CD58: variants seen among roughly 807,000 people sequenced by gnomAD.
CD58 encodes CD58 molecule, also known as lymphocyte function-associated antigen 3.
Under a neutral mutation model 27.6 loss-of-function variants are expected in CD58, and 14 were observed. The observed-to-expected ratio is 0.51, with a 90% confidence interval of 0.34 to 0.79. CD58 has a LOEUF of 0.79. Ranked by LOEUF, CD58 falls within the 30% of genes least tolerant of loss-of-function variation. The probability of loss-of-function intolerance (pLI) is 0.02; values close to 1 mark genes in which losing one functional copy is unlikely to be tolerated. For synonymous variants in CD58, 117 were observed against 103.8 expected (o/e 1.13, Z -0.77); for missense variants, 268 against 301.7 (o/e 0.89, Z 0.83).
rs1657261129 is a variant in CD58, at chr1:116,521,511, C to T, written c.706+395G>A. ...AAGTCACTTAACTCAACCAAAACTC[C>T]CTTCCTACCTGGGAGCCCCATTCGT... On this transcript the variant is annotated intron_variant, in intron 4 of 5. Coordinates refer to ENST00000369489, the MANE Select transcript of CD58 (RefSeq NM_001779.3). This position sits in a 1 kb window ranked among gnomAD's most constrained non-coding sequence, Gnocchi z 5.6. 6.6e-6 allele frequency among the ~76,000 whole-genome samples: 1 copy of T among 152,200 alleles called. No individual in the cohort carries two copies. Among genetic ancestry groups the T allele is most frequent in the African/African-American group, 2.4e-5 (1 of 41,440 alleles).
At position 116,519,026 on chromosome 1, in the gene CD58, A is replaced by C. The variant is rs1208222786; in HGVS notation, c.743+205T>G. 6 of 1,216,064 alleles carry C rather than the reference A, an allele frequency of 4.9e-6. No homozygotes were observed. The highest frequency in any genetic ancestry group is 3.1e-5 in the African/African-American group (2 of 65,174). The allele number at this position is 1,216,064 out of a possible 1,614,324, so 75.3% of individuals were successfully genotyped here. On this transcript the variant is annotated intron_variant, in intron 5 of 5. Coordinates refer to ENST00000369489, the MANE Select transcript of CD58 (RefSeq NM_001779.3). This position sits in a 1 kb window ranked among gnomAD's most constrained non-coding sequence, Gnocchi z 4.7. ...CAAGGCTCATTGAGAGGGTTCCAGG[A>C]AACGATATGCAGAGAGTGGCTAGTG...
At position 116,532,889 on chromosome 1, in the gene CD58, G is replaced by T; in HGVS notation, c.628+3076C>A. The T allele has an allele frequency of 1.3e-6, 1 of 778,788 alleles. No homozygotes were observed. Among genetic ancestry groups the T allele is most frequent in the Non-Finnish European group, 2.1e-6 (1 of 465,964 alleles). The allele number at this position is 778,788 out of a possible 1,614,324, so 48.2% of individuals were successfully genotyped here. ...GCAAAGACTGAGGCCTCCCGCTACA[G>T]GCCCGGAGTCGCGACAGCCGGTCTG... On this transcript the variant is annotated intron_variant, in intron 3 of 5. Coordinates refer to ENST00000369489, the MANE Select transcript of CD58 (RefSeq NM_001779.3). The surrounding 1 kb of genome is among the most constrained non-coding windows in gnomAD (Gnocchi z 5.1).
At chr1:116,520,619 A>G (rs867196105) in intron 4 of CD58, among the ~76,000 whole-genome samples, 2 of 151,894 alleles carry the variant, frequency 1.3e-5, no homozygotes, top group African/African-American at 4.8e-5. Flanking sequence ...ATTGAGATCT[A>G]CAACAACACT....
At chr1:116,547,806 T>C (rs1658241813) in intron 1 of CD58, among the ~76,000 whole-genome samples, 1 of 152,128 alleles carries the variant, frequency 6.6e-6, no homozygotes, top group African/African-American at 2.4e-5. Flanking sequence ...AAATGACTTG[T>C]TTTCCTCTGG....
chr1:116,565,000 C>A (rs534408745), intron 1 of CD58, among the ~76,000 whole-genome samples: 1 of 152,174 alleles, frequency 6.6e-6, no homozygotes, highest in Non-Finnish European at 1.5e-5. Context: ...AAGCCCACAC[C>A]AAATCCTGCC....
intron 1 of CD58, among the ~76,000 whole-genome samples, chr1:116,549,651 G>A (rs1658322411): frequency 6.6e-6 from 1 of 152,078 alleles, no homozygotes; most frequent in Admixed American, 6.6e-5. Context: ...AATGAAAAAC[G>A]ATCATATAAG....
chr1:116,542,856 G>A (rs1658035593), intron 2 of CD58, among the ~76,000 whole-genome samples: 1 of 152,200 alleles, frequency 6.6e-6, no homozygotes, highest in Non-Finnish European at 1.5e-5. Flanking sequence ...GAGAGCTTGT[G>A]GAAATTGCCC....
intron 2 of CD58, among the ~76,000 whole-genome samples, chr1:116,540,011 T>TCAAG (rs1215009813): frequency 6.6e-6 from 1 of 152,196 alleles, no homozygotes; most frequent in Non-Finnish European, 1.5e-5. Context: ...TTAGTAAAGG[T>TCAAG]CAAGTATCAA....
rs778084173 is a variant in CD58 at position 116,570,977 on chromosome 1, C to G, written c.-5G>C. 7 of 1,546,070 alleles carry G rather than the reference C, an allele frequency of 4.5e-6. No homozygotes were observed. The highest frequency in any genetic ancestry group is 6.1e-6 in the Non-Finnish European group (7 of 1,153,144). On this transcript the variant is annotated 5_prime_UTR_variant, in exon 1 of 6. Transcript: ENST00000369489. The surrounding 1 kb of genome is among the most constrained non-coding windows in gnomAD (Gnocchi z 6.4). Reference sequence around the variant, plus strand: ...CGCGTCGCTCCCAGCAACCATGGCTCGTCGGGCCGGCCTCTGCGCGAGTGC... The same window carrying G: ...CGCGTCGCTCCCAGCAACCATGGCTGGTCGGGCCGGCCTCTGCGCGAGTGC...
rs1234032418 is a variant in CD58, at chr1:116,538,207, C to A, written c.365-1979G>T. ...TTCTTTAATTAAAAAGACTTTTAAT[C>A]ATCTTTTAAGCAGTGGAATTTCTCA... On this transcript the variant is annotated intron_variant, in intron 2 of 5. Coordinates refer to ENST00000369489, the MANE Select transcript of CD58 (RefSeq NM_001779.3). This position sits in a 1 kb window ranked among gnomAD's most constrained non-coding sequence, Gnocchi z 4.7. 2.0e-5 allele frequency among the ~76,000 whole-genome samples: 3 copies of A among 152,280 alleles called. No individual in the cohort carries two copies. Among genetic ancestry groups the A allele is most frequent in the African/African-American group, 7.2e-5 (3 of 41,542 alleles).
At chr1:116,548,071 CAT>C (rs1658257763) in intron 1 of CD58, among the ~76,000 whole-genome samples, 1 of 152,188 alleles carries the variant, frequency 6.6e-6, no homozygotes, top group South Asian at 2.1e-4. Context: ...AGCATTTTTT[CAT>C]ATGTTTGTTG....
chr1:116,561,857 G>A (rs775243236), intron 1 of CD58, among the ~76,000 whole-genome samples: 1 of 152,158 alleles, frequency 6.6e-6, no homozygotes, highest in Non-Finnish European at 1.5e-5. Context: ...TAAAATCAGT[G>A]TGACAATTAA....
intron 2 of CD58, among the ~76,000 whole-genome samples, chr1:116,539,341 T>C (rs1169988042): frequency 6.6e-6 from 1 of 152,124 alleles, no homozygotes; most frequent in Non-Finnish European, 1.5e-5. Flanking sequence ...CACAGTCCTT[T>C]TAGGAGCTGG....
rs893436805 is a variant in CD58, at chr1:116,536,199, C to T, written c.394G>A (p.Ala132Thr). The T allele has an allele frequency of 1.2e-6, 2 of 1,611,352 alleles. No homozygotes were observed. The highest frequency in any genetic ancestry group is 1.7e-5 in the Admixed American group (1 of 59,930). ...ACTTCAATGCTTCCATTAGTCAATG[C>T]ACAAGTTAGTGTGGGAGATGGAAGA... is the stretch of plus-strand genomic sequence containing the variant. ...ESLPSPTLTC[A>T]LTNGSIEVQC... The change falls in exon 3 of 6, where the codon GCA (alanine) becomes ACA (threonine). Residue 132 changes from alanine (A) to threonine (T), a missense_variant. Ala to Thr is a moderately conservative substitution (Grantham distance 58). Coordinates refer to ENST00000369489, the MANE Select transcript of CD58 (RefSeq NM_001779.3). This position sits in a 1 kb window ranked among gnomAD's most constrained non-coding sequence, Gnocchi z 5.4.
chr1:116,559,498 C>T lies in CD58; in HGVS notation c.70+11405G>A, dbSNP rs1658686800. Among the ~76,000 whole-genome samples, 2 of 152,152 alleles carry T rather than the reference C, an allele frequency of 1.3e-5. No homozygotes were observed. Among genetic ancestry groups the T allele is most frequent in the Non-Finnish European group, 2.9e-5 (2 of 68,026 alleles). On this transcript the variant is annotated intron_variant, in intron 1 of 5. Coordinates refer to ENST00000369489, the MANE Select transcript of CD58 (RefSeq NM_001779.3). The surrounding 1 kb of genome is among the most constrained non-coding windows in gnomAD (Gnocchi z 4.4). ...CATTCCTCTTTTTTCCTGATCGATT[C>T]CACCCTTAGCCGGTCCCAGTTAGTG...
At chr1:116,558,232 C>T (rs1658645434) in intron 1 of CD58, among the ~76,000 whole-genome samples, 1 of 151,766 alleles carries the variant, frequency 6.6e-6, no homozygotes, top group South Asian at 2.1e-4. Flanking sequence ...ATTGGTATTT[C>T]CCTCTGAATA....
intron 1 of CD58, among the ~76,000 whole-genome samples, chr1:116,556,237 G>A (rs1258197645): frequency 8.3e-6 from 1 of 120,162 alleles, no homozygotes; most frequent in African/African-American, 3.2e-5. Context: ...CTGGGTGACA[G>A]AGCAAGACTC....
rs1276424385 is a variant in CD58, at chr1:116,522,179, G to T, written c.629-196C>A. 6.6e-6 allele frequency among the ~76,000 whole-genome samples: 1 copy of T among 152,208 alleles called. No individual in the cohort carries two copies. On this transcript the variant is annotated intron_variant, in intron 3 of 5. Transcript: ENST00000369489. This position sits in a 1 kb window ranked among gnomAD's most constrained non-coding sequence, Gnocchi z 4.6. ...GAGTCACCCAATAAGCAGATTCCCA[G>T]CAGAGGTGGAAAAAGGTAAAGCTCT...
Position 116,535,966 on chromosome 1 carries a change from G to C in CD58, c.627C>G (p.Ser209Arg), listed in dbSNP as rs752826251. The C allele has an allele frequency of 7.5e-6, 12 of 1,600,610 alleles. No individual in the cohort carries two copies. In the South Asian group the frequency reaches 1.3e-4, roughly 18 times the overall value. The change falls in exon 3 of 6, where the codon AGC becomes AGG. Residue 209 changes from serine (S) to arginine (R), a missense_variant and splice_region_variant. Coordinates refer to ENST00000369489, the MANE Select transcript of CD58 (RefSeq NM_001779.3). ...TGACACATTTAGTTATTTACTCACCGCTGCTTGGGATACAGGTTGTCAAAA... is the reference window on the plus strand; with the variant it reads ...TGACACATTTAGTTATTTACTCACCCCTGCTTGGGATACAGGTTGTCAAAA... ...SIILTTCIPS[S>R]GHSRHRYALI...
Sources: gnomAD v4.1 joint callset for allele counts (sites outside exome capture counted in the v4.1 genomes callset) on GRCh38, gnomAD v4.1.1 for gene constraint, Gnocchi (gnomAD v3.1) non-coding constraint, MANE v1.5 for transcripts, NCBI Gene and HGNC (gene_info 2026-07-23, HGNC 2026-07-21) for gene names.